Variants in REDIC1 observed in about 807,000 individuals in gnomAD.
The protein encoded by REDIC1 is HEI10 Interacting Protein 1.
chr12:39,722,900 C>A, the REDIC1 span, among the ~76,000 whole-genome samples: 1 of 152,092 alleles, frequency 6.6e-6, no homozygotes, highest in Admixed American at 6.6e-5. Context: ...GCCTAGGAAG[C>A]TTGGCCCAAT....
chr12:39,837,107 A>C, the REDIC1 span, among the ~76,000 whole-genome samples: 11 of 100,268 alleles, frequency 1.1e-4, no homozygotes, highest in African/African-American at 4.1e-4. Context: ...AGGCTACAGT[A>C]ACCAAAACAG....
the REDIC1 span, among the ~76,000 whole-genome samples, chr12:39,711,249 T>A: frequency 6.7e-6 from 1 of 149,542 alleles, no homozygotes; most frequent in South Asian, 2.1e-4. Context: ...ATGTGATGTG[T>A]ATATATATAT....
At chr12:39,844,558 A>G in the REDIC1 span, among the ~76,000 whole-genome samples, 1 of 152,110 alleles carries the variant, frequency 6.6e-6, no homozygotes, top group African/African-American at 2.4e-5. Flanking sequence ...CATTCATAAC[A>G]TATAAAATAT....
the REDIC1 span, chr12:39,716,767 G>A: frequency 6.2e-7 from 1 of 1,601,236 alleles, no homozygotes; most frequent in South Asian, 1.1e-5. Flanking sequence ...TCTTGATTCT[G>A]CACAGAGTAG....
the REDIC1 span, among the ~76,000 whole-genome samples, chr12:39,839,812 C>T: frequency 6.6e-6 from 1 of 152,096 alleles, no homozygotes; most frequent in Non-Finnish European, 1.5e-5. Context: ...GCCAGAACTA[C>T]ACTTCCAATT....
chr12:39,689,569 C>T, the REDIC1 span, among the ~76,000 whole-genome samples: 1 of 152,036 alleles, frequency 6.6e-6, no homozygotes, highest in Non-Finnish European at 1.5e-5. Context: ...GTATATGATT[C>T]TCGAGAGAAA....
the REDIC1 span, among the ~76,000 whole-genome samples, chr12:39,681,796 A>G: frequency 1.3e-5 from 2 of 152,192 alleles, no homozygotes; most frequent in Admixed American, 1.3e-4. Flanking sequence ...GTGATCATCA[A>G]ATATTTGATA....
chr12:39,858,917 T>C, the REDIC1 span, among the ~76,000 whole-genome samples: 1 of 152,148 alleles, frequency 6.6e-6, no homozygotes, highest in Non-Finnish European at 1.5e-5. Context: ...TTTTTACACA[T>C]TTCTAAGGTT....
the REDIC1 span, among the ~76,000 whole-genome samples, chr12:39,722,379 T>C: frequency 1.3e-5 from 2 of 152,162 alleles, no homozygotes; most frequent in African/African-American, 4.8e-5. Context: ...TATAATTATC[T>C]GATATATGTA....
chr12:39,755,641 G>C, the REDIC1 span: 1 of 151,964 alleles, frequency 6.6e-6, no homozygotes, highest in Non-Finnish European at 1.5e-5. Context: ...TTACTCATTA[G>C]CTGCATGATC....
At chr12:39,906,680 A>G in the REDIC1 span, among the ~76,000 whole-genome samples, 6 of 152,150 alleles carry the variant, frequency 3.9e-5, no homozygotes, top group African/African-American at 1.4e-4. Flanking sequence ...AGAAAATCTC[A>G]GTTGCATTAT....
the REDIC1 span, among the ~76,000 whole-genome samples, chr12:39,700,230 C>T: frequency 6.6e-6 from 1 of 151,972 alleles, no homozygotes; most frequent in African/African-American, 2.4e-5. Context: ...ATAACCAATA[C>T]AGAGAAGTGC....
At chr12:39,690,344 GT>G in the REDIC1 span, among the ~76,000 whole-genome samples, 2 of 152,124 alleles carry the variant, frequency 1.3e-5, no homozygotes, top group African/African-American at 4.8e-5. Context: ...AATTTTAAAG[GT>G]TTAGTAGAGG....
chr12:39,668,750 A>C, the REDIC1 span, among the ~76,000 whole-genome samples: 1 of 150,410 alleles, frequency 6.6e-6, no homozygotes, highest in Non-Finnish European at 1.5e-5. Flanking sequence ...GGCTTTGTTC[A>C]TTTTTTTTTG....
the REDIC1 span, among the ~76,000 whole-genome samples, chr12:39,698,691 G>A: frequency 5.3e-5 from 8 of 152,062 alleles, no homozygotes. Context: ...GAGGAATTTT[G>A]GGAACTATAC....
At chr12:39,784,338 C>T in the REDIC1 span, among the ~76,000 whole-genome samples, 1 of 152,200 alleles carries the variant, frequency 6.6e-6, no homozygotes, top group African/African-American at 2.4e-5. Flanking sequence ...TAGAAGGCTA[C>T]AGTAACCAAA....
chr12:39,747,536 G>C, the REDIC1 span, among the ~76,000 whole-genome samples: 1 of 152,196 alleles, frequency 6.6e-6, no homozygotes, highest in Non-Finnish European at 1.5e-5. Flanking sequence ...CCTCAACCTA[G>C]CAAGGCAGGC....
At chr12:39,643,353 C>A in the REDIC1 span, among the ~76,000 whole-genome samples, 1 of 150,358 alleles carries the variant, frequency 6.7e-6, no homozygotes, top group East Asian at 2.0e-4. Context: ...CTTTTTTTTT[C>A]TTCATTTCTG....
At chr12:39,743,490 CA>C in the REDIC1 span, among the ~76,000 whole-genome samples, 3 of 152,108 alleles carry the variant, frequency 2.0e-5, no homozygotes, top group East Asian at 5.8e-4. Flanking sequence ...GCAAAAAACA[CA>C]ATTTGAAAAG....
Sources: allele counts gnomAD v4.1 joint callset (sites outside exome capture counted in the v4.1 genomes callset), GRCh38; gene constraint gnomAD v4.1.1; transcripts MANE v1.5; gene names NCBI Gene and HGNC (gene_info 2026-07-23, HGNC 2026-07-21).